HUWE1: variants seen among roughly 807,000 people sequenced by gnomAD.
The protein encoded by HUWE1 is HECT, UBA and WWE domain containing E3 ubiquitin protein ligase 1, also known as E3 ubiquitin-protein ligase HUWE1.
Under a neutral mutation model 299.4 loss-of-function variants are expected in HUWE1, and 18 were observed. The observed-to-expected ratio is 0.06, with a 90% confidence interval of 0.04 to 0.09. The LOEUF is 0.09. Among genes scored for constraint, HUWE1 ranks in the 10% least tolerant of loss-of-function variants. The pLI, the probability that HUWE1 is intolerant of heterozygous loss-of-function variation, is 1.00. For synonymous variants in HUWE1, 1,317 were observed against 1,286.1 expected (o/e 1.02, Z -0.51); for missense variants, 1,832 against 3,462.3 (o/e 0.53, Z 11.82).
Position 53,667,603 on chromosome X carries a change from C to T in HUWE1, c.-25+12446G>A, listed in dbSNP as rs138164998. On this transcript the variant is annotated intron_variant, in intron 3 of 83. Transcript: ENST00000262854. ...AGTATGCTTTCTACTAAATGTGTTT[C>T]GCTTTCACACCATCGTAAAGTCAAA... 2.6e-3 allele frequency among the ~76,000 whole-genome samples: 295 copies of T among 112,094 alleles called. 1 individual carries two copies. The highest frequency in any genetic ancestry group is 9.2e-3 in the African/African-American group (283 of 30,858).
At chrX:53,679,753 A>G (rs2070032360) in intron 3 of HUWE1, among the ~76,000 whole-genome samples, 1 of 112,722 alleles carries the variant, frequency 8.9e-6, no homozygotes, top group African/African-American at 3.2e-5. Flanking sequence ...TGCATGTTTG[A>G]AATTTTTCGT....
Position 53,594,488 on chromosome X carries a change from T to C in HUWE1, c.3503+11A>G. On this transcript the variant is annotated intron_variant, in intron 31 of 83. Transcript: ENST00000262854. ...AAGAAATGCTCCTCTGTGAAGCAAC[T>C]TGATCCTTACTCAAAAAGAGCATTG... is the stretch of plus-strand genomic sequence containing the variant. The C allele has an allele frequency of 2.5e-6, 3 of 1,209,671 alleles. No homozygotes were observed. Among genetic ancestry groups the C allele is most frequent in the Non-Finnish European group, 3.4e-6 (3 of 894,254 alleles).
At chrX:53,642,192 G>A (rs1335778281) in intron 7 of HUWE1, among the ~76,000 whole-genome samples, 2 of 112,002 alleles carry the variant, frequency 1.8e-5, no homozygotes, top group African/African-American at 6.5e-5. Context: ...ACTTGTTCAT[G>A]TATCTGTCCC....
rs2061422787 is a variant in HUWE1, at chrX:53,543,221, C to CA, written c.11379+619dup. 3.6e-5 allele frequency among the ~76,000 whole-genome samples: 4 copies of CA among 110,650 alleles called. No homozygotes were observed. In the South Asian group the frequency reaches 1.5e-3, roughly 43 times the overall value. Reference sequence around the variant, plus strand: ...TCTTGGATCTTGGAAAGGTAACTTACATGTTGCAAGGACAGGAAAACAATG... The same window carrying CA: ...TCTTGGATCTTGGAAAGGTAACTTACAATGTTGCAAGGACAGGAAAACAATG... On this transcript the variant is annotated intron_variant, in intron 73 of 83. Coordinates refer to ENST00000262854, the MANE Select transcript of HUWE1 (RefSeq NM_031407.7).
intron 49 of HUWE1, among the ~76,000 whole-genome samples, chrX:53,568,415 T>G (rs1272588158): frequency 9.0e-6 from 1 of 111,487 alleles, no homozygotes; most frequent in Non-Finnish European, 1.9e-5. Context: ...TTTTTACTCA[T>G]CTGTATTTCT....
In HUWE1 at chrX:53,560,315, T is replaced by C. The variant is rs1312501014; in HGVS notation, c.7609A>G (p.Thr2537Ala). 3.3e-6 allele frequency: 4 copies of C among 1,208,880 alleles called. No individual in the cohort carries two copies. Among genetic ancestry groups the C allele is most frequent in the Non-Finnish European group, 3.4e-6 (3 of 894,875 alleles). ...SLTLGSGSST[T>A]RLTQGIGRSQ... is the part of the protein sequence containing the mutation. Reference sequence around the variant, plus strand: ...CGCCCGATGCCCTGGGTGAGACGAGTTGTTGAAGAGCCACTGCCCAGTGTC... The same window carrying C: ...CGCCCGATGCCCTGGGTGAGACGAGCTGTTGAAGAGCCACTGCCCAGTGTC... The change falls in exon 56 of 84, where the codon ACT becomes GCT. Residue 2537 changes from threonine (T) to alanine (A), a missense_variant. Around this residue, in one of 15 missense-constraint regions of HUWE1, gnomAD observed 170 missense variants for 335.8 expected, o/e 0.51. Coordinates refer to ENST00000262854, the MANE Select transcript of HUWE1 (RefSeq NM_031407.7).
At chrX:53,674,015 T>C (rs2069686323) in intron 3 of HUWE1, among the ~76,000 whole-genome samples, 1 of 111,676 alleles carries the variant, frequency 9.0e-6, no homozygotes, top group African/African-American at 3.3e-5. Flanking sequence ...TTTACGCCAC[T>C]TGTAGGCAGT....
intron 29 of HUWE1, among the ~76,000 whole-genome samples, chrX:53,596,507 T>C (rs2064482330): frequency 8.9e-6 from 1 of 112,209 alleles, no homozygotes; most frequent in Non-Finnish European, 1.9e-5. Context: ...ATAAGCAGTA[T>C]TGAGTAACTG....
chrX:53,593,463 C>T lies in HUWE1; in HGVS notation c.3642G>A (p.Thr1214=), dbSNP rs782459307. Residue 1214 remains threonine, a synonymous_variant, in exon 32 of 84, where the codon ACG becomes ACA. Coordinates refer to ENST00000262854, the MANE Select transcript of HUWE1 (RefSeq NM_031407.7). The part of the protein sequence containing the change: ...MLVEKMVNPT[T]VLESPHSLPA... Reference sequence around the variant, plus strand: ...GCAGCGAATGTGGAGATTCAAGCACCGTGGTGGGATTCACCATCTTCTCCA... The same window carrying T: ...GCAGCGAATGTGGAGATTCAAGCACTGTGGTGGGATTCACCATCTTCTCCA... The T allele has an allele frequency of 1.1e-5, 13 of 1,209,049 alleles. No individual in the cohort carries two copies. The African/African-American group carries it at 1.4e-4, about 13-fold the overall frequency.
rs996565590 is a variant in HUWE1, at chrX:53,629,567, G to A, written c.912C>T (p.Gly304=). ...QESANSILYN[G]LIEELVDVLQ... is the part of the protein sequence containing the mutation. ...GGACATCTACCAACTCCTCTATCAAGCCATTATACAAGATACTGTTTGCTG... is the reference window on the plus strand; with the variant it reads ...GGACATCTACCAACTCCTCTATCAAACCATTATACAAGATACTGTTTGCTG... Residue 304 remains glycine, a synonymous_variant, in exon 13 of 84, where the codon GGC becomes GGT. Transcript: ENST00000262854. 4 of 1,200,674 alleles carry A rather than the reference G, an allele frequency of 3.3e-6. No individual in the cohort carries two copies. The highest frequency in any genetic ancestry group is 4.5e-6 in the Non-Finnish European group (4 of 887,163).
chrX:53,560,412 G>A lies in HUWE1; in HGVS notation c.7512C>T (p.Asp2504=). The change falls in exon 56 of 84, where the codon GAC becomes GAT. Residue 2504 remains aspartate, a synonymous_variant. Transcript: ENST00000262854. ...GGATATTTCCTGGGGATGGGGGGATGTCTGCTGCAAGGACAATATGTAAAA... is the reference window on the plus strand; with the variant it reads ...GGATATTTCCTGGGGATGGGGGGATATCTGCTGCAAGGACAATATGTAAAA... ...EFDNMFSSAT[D]IPPSPGNIPT... 1 of 1,207,087 alleles carries A rather than the reference G, an allele frequency of 8.3e-7. No individual in the cohort carries two copies. The highest frequency in any genetic ancestry group is 1.8e-5 in the South Asian group (1 of 56,854).
intron 29 of HUWE1, among the ~76,000 whole-genome samples, chrX:53,599,551 TGCTGC>T (rs1556988217): frequency 8.9e-6 from 1 of 112,182 alleles, no homozygotes; most frequent in Non-Finnish European, 1.9e-5. Flanking sequence ...CAGTTTTGTA[TGCTGC>T]CAATACAGTC....
intron 35 of HUWE1, 56 bp from the exon 36 acceptor site, chrX:53,589,872 TA>T: frequency 9.1e-7 from 1 of 1,104,275 alleles, no homozygotes; most frequent in Non-Finnish European, 1.2e-6. Context: ...GGAGGAAAGA[TA>T]AGAGAGACTC....
intron 37 of HUWE1, among the ~76,000 whole-genome samples, chrX:53,588,150 C>T (rs2063956194): frequency 9.0e-6 from 1 of 111,163 alleles, no homozygotes; most frequent in Admixed American, 9.6e-5. Context: ...CACATGAATC[C>T]AAAGTGATGC....
At chrX:53,647,907 A>C (rs2068164382) in intron 5 of HUWE1, among the ~76,000 whole-genome samples, 1 of 112,406 alleles carries the variant, frequency 8.9e-6, no homozygotes, top group African/African-American at 3.2e-5. Context: ...TCATTTTTAG[A>C]GTTATCTAAT....
At chrX:53,683,877 A>G in intron 2 of HUWE1, 1 of 91,797 alleles carries the variant, frequency 1.1e-5, no homozygotes, top group Non-Finnish European at 2.2e-5. Flanking sequence ...GAGCTACCTC[A>G]GCCACCGCCA....
intron 43 of HUWE1, among the ~76,000 whole-genome samples, chrX:53,578,646 G>A (rs1602792663): frequency 3.4e-5 from 3 of 87,340 alleles, no homozygotes; most frequent in Non-Finnish European, 4.5e-5. Flanking sequence ...TCAGCCCCCC[G>A]CCCGGCCAGC....
At chrX:53,643,285 C>T (rs1191757633) in intron 7 of HUWE1, among the ~76,000 whole-genome samples, 2 of 111,804 alleles carry the variant, frequency 1.8e-5, no homozygotes, top group African/African-American at 3.3e-5. Flanking sequence ...ACAGTTTTAG[C>T]CAATATGACT....
intron 4 of HUWE1, 139 bp from the exon 5 acceptor site, chrX:53,648,449 C>G: frequency 2.2e-6 from 1 of 453,528 alleles, no homozygotes; most frequent in Non-Finnish European, 3.9e-6. Context: ...CGAGATGTGC[C>G]AGACAATCTC....
Sources: gnomAD v4.1 joint callset for allele counts (sites outside exome capture counted in the v4.1 genomes callset) on GRCh38, gnomAD v4.1.1 for gene constraint, gnomAD v4.1.1 regional missense constraint, MANE v1.5 for transcripts, NCBI Gene and HGNC (gene_info 2026-07-23, HGNC 2026-07-21) for gene names.